The following NCOA1 variants were observed in gnomAD, a reference collection of about 807,000 sequenced individuals.
NCOA1 encodes the protein nuclear receptor coactivator 1, also known as Hin-2 protein.
A neutral mutation model predicts 150.9 loss-of-function variants in NCOA1; 35 were observed. The observed-to-expected ratio is 0.23, with a 90% CI of 0.18 to 0.31. The LOEUF (loss-of-function observed/expected upper bound fraction) is 0.31. NCOA1 is among the 10% of genes least tolerant of loss of function. The pLI, the probability that NCOA1 is intolerant of heterozygous loss-of-function variation, is 1.00. For synonymous variants in NCOA1, 590 were observed against 630.0 expected, an observed-to-expected ratio of 0.94 and a Z score of 0.95; for missense variants, 1,491 against 1,749.3, an observed-to-expected ratio of 0.85 and a Z score of 2.63.
At chr2:24,736,990 T>C (rs1663343173) in intron 17 of NCOA1, among the ~76,000 whole-genome samples, 1 of 152,152 alleles carries the variant, frequency 6.6e-6, no homozygotes, top group African/African-American at 2.4e-5. Flanking sequence ...CTGAACTGTG[T>C]GTGTTTATTT....
At chr2:24,590,567 T>C (rs895655918) in intron 3 of NCOA1, among the ~76,000 whole-genome samples, 2 of 152,226 alleles carry the variant, frequency 1.3e-5, no homozygotes, top group African/African-American at 4.8e-5. Context: ...TCTCACATTC[T>C]TTTTAGGAAA....
chr2:24,709,004 TGTG>T (rs1174584992), intron 13 of NCOA1, among the ~76,000 whole-genome samples: 1 of 152,230 alleles, frequency 6.6e-6, no homozygotes, highest in Non-Finnish European at 1.5e-5. Flanking sequence ...TCTGTCCTTT[TGTG>T]GTGCTTCATA....
At chr2:24,674,121 GTA>G (rs904494240) in intron 7 of NCOA1, among the ~76,000 whole-genome samples, 8 of 92,946 alleles carry the variant, frequency 8.6e-5, no homozygotes, top group South Asian at 3.8e-4. Flanking sequence ...ACATATGTAT[GTA>G]TGTGTGTGTG....
intron 4 of NCOA1, among the ~76,000 whole-genome samples, chr2:24,653,081 G>C (rs906771055): frequency 6.6e-6 from 1 of 152,126 alleles, no homozygotes; most frequent in Non-Finnish European, 1.5e-5. Context: ...GGCTGCTGTT[G>C]TTTGTTGTTT....
intron 4 of NCOA1, among the ~76,000 whole-genome samples, chr2:24,651,727 G>A (rs1670719836): frequency 6.6e-6 from 1 of 152,004 alleles, no homozygotes; most frequent in African/African-American, 2.4e-5. Flanking sequence ...CAAAGGAGCT[G>A]AATAGACACA....
chr2:24,690,815 A>G (rs1357296515), intron 8 of NCOA1, among the ~76,000 whole-genome samples: 4 of 152,076 alleles, frequency 2.6e-5, no homozygotes, highest in African/African-American at 9.7e-5. Context: ...CATTTTTCCT[A>G]TACTGGATCA....
At chr2:24,762,847 C>A in intron 22 of NCOA1, 71 bp downstream of exon 22, 1 of 1,353,930 alleles carries the variant, frequency 7.4e-7, no homozygotes, top group Non-Finnish European at 1.1e-6. Flanking sequence ...TGTGTAGCAT[C>A]ATTAAGAGCC....
chr2:24,528,419 T>A (rs1357974361), intron 1 of NCOA1, among the ~76,000 whole-genome samples: 1 of 149,846 alleles, frequency 6.7e-6, no homozygotes, highest in African/African-American at 2.5e-5. Context: ...TGATCTTGGC[T>A]CACTGCAGCC....
intron 17 of NCOA1, among the ~76,000 whole-genome samples, chr2:24,735,066 A>G (rs888159846): frequency 2.8e-4 from 42 of 152,260 alleles, no homozygotes; most frequent in African/African-American, 8.9e-4. Flanking sequence ...AGACACAAAA[A>G]TAAACTCTAA....
chr2:24,554,234 C>T (rs766686139), intron 1 of NCOA1, among the ~76,000 whole-genome samples: 52 of 152,134 alleles, frequency 3.4e-4, no homozygotes, highest in Non-Finnish European at 6.2e-4. Flanking sequence ...CTTTTTCTAC[C>T]TCCTTAAGGT....
intron 3 of NCOA1, among the ~76,000 whole-genome samples, chr2:24,623,931 A>G (rs1669288382): frequency 6.6e-6 from 1 of 152,246 alleles, no homozygotes; most frequent in South Asian, 2.1e-4. Flanking sequence ...TCACATATAA[A>G]CTTGAGAAGG....
chr2:24,706,897 T>C lies in NCOA1; in HGVS notation c.1427T>C (p.Met476Thr). The C allele has an allele frequency of 6.2e-7, 1 of 1,614,150 alleles. No individual in the cohort carries two copies. The highest frequency in any genetic ancestry group is 1.7e-5 in the Admixed American group (1 of 60,018). Reference protein sequence around the residue: ...NPSLNLNNSPMEGTGISLAQF... With the variant: ...NPSLNLNNSPTEGTGISLAQF... ...TCTTTAAACCTCAATAATTCTCCTA[T>C]GGAAGGTACAGGAATATCCCTAGCA... Residue 476 changes from methionine (M) to threonine (T), a missense_variant, in exon 13 of 23, where the codon ATG (methionine) becomes ACG (threonine). Met to Thr is a moderately conservative substitution (Grantham distance 81). This residue lies in a region of NCOA1 where 703 missense variants were observed against 717.7 expected (regional missense o/e 0.98). Transcript: ENST00000348332.
chr2:24,729,376 G>T lies in NCOA1; in HGVS notation c.2887-125G>T, dbSNP rs909851066. 6 of 871,336 alleles carry T rather than the reference G, an allele frequency of 6.9e-6. No homozygotes were observed. The African/African-American group carries it at 1.0e-4, about 15-fold the overall frequency. 54.0% of individuals were successfully genotyped at this position (871,336 alleles called of 1,614,324 possible). ...GCAGCTTTTATAAATGATTTCTTTAGGTAGTAAACTTCTGGAGAGCATGAA... is the reference window on the plus strand; with the variant it reads ...GCAGCTTTTATAAATGATTTCTTTATGTAGTAAACTTCTGGAGAGCATGAA... On this transcript the variant is annotated intron_variant, in intron 16 of 22. Coordinates refer to ENST00000348332, the MANE Select transcript of NCOA1 (RefSeq NM_003743.5).
intron 1 of NCOA1, among the ~76,000 whole-genome samples, chr2:24,552,796 A>G (rs900290119): frequency 2.6e-5 from 4 of 152,170 alleles, no homozygotes; most frequent in Admixed American, 6.5e-5. Context: ...TAGAAGTACA[A>G]TGTAATTTTG....
At chr2:24,571,790 A>G (rs183928449) in intron 2 of NCOA1, among the ~76,000 whole-genome samples, 1 of 152,308 alleles carries the variant, frequency 6.6e-6, no homozygotes, top group East Asian at 1.9e-4. Flanking sequence ...GTACTTAGTA[A>G]GGGGCTAGAA....
intron 1 of NCOA1, among the ~76,000 whole-genome samples, chr2:24,507,440 T>G: frequency 6.6e-6 from 1 of 151,114 alleles, no homozygotes; most frequent in East Asian, 2.0e-4. Context: ...GCTGGGTTTT[T>G]TTTTTTTTTT....
At chr2:24,557,745 A>G (rs963491672) in intron 1 of NCOA1, among the ~76,000 whole-genome samples, 4 of 152,072 alleles carry the variant, frequency 2.6e-5, no homozygotes, top group Non-Finnish European at 5.9e-5. Context: ...TTCTATGTTC[A>G]GCTTTTTTTT....
At chr2:24,730,651 G>A (rs772038246) in intron 17 of NCOA1, among the ~76,000 whole-genome samples, 6 of 152,036 alleles carry the variant, frequency 3.9e-5, no homozygotes, top group Non-Finnish European at 5.9e-5. Flanking sequence ...ATGAGTAGGC[G>A]TAGTGGCATA....
intron 11 of NCOA1, among the ~76,000 whole-genome samples, chr2:24,704,504 C>T (rs1356148262): frequency 1.3e-5 from 2 of 152,110 alleles, no homozygotes; most frequent in Admixed American, 6.5e-5. Flanking sequence ...GGGCCAGGCG[C>T]GGTGGCTTAC....
Sources: allele counts gnomAD v4.1 joint callset (sites outside exome capture counted in the v4.1 genomes callset), GRCh38; gene constraint gnomAD v4.1.1; regional missense constraint gnomAD v4.1.1; transcripts MANE v1.5; gene names NCBI Gene and HGNC (gene_info 2026-07-23, HGNC 2026-07-21).